The following SNTG2 variants were observed in gnomAD, a reference collection of about 807,000 sequenced individuals.
SNTG2 encodes the protein gamma-2-syntrophin.
In SNTG2, 74 loss-of-function variants were observed where a neutral mutation model predicts 70.9. The observed-to-expected ratio is 1.04, with a 90% CI of 0.86 to 1.27. The LOEUF (loss-of-function observed/expected upper bound fraction) is 1.27, where lower values mean the gene tolerates loss of function less well. Ranked by LOEUF, SNTG2 falls within the 50% of genes most tolerant of loss-of-function variation. The probability of loss-of-function intolerance (pLI) is 0.00; values close to 1 mark genes in which losing one functional copy is unlikely to be tolerated. For missense variants in SNTG2, 717 were observed against 690.7 expected (o/e 1.04, Z -0.43); for synonymous variants, 278 against 273.8 (o/e 1.02, Z -0.15).
intron 8 of SNTG2, among the ~76,000 whole-genome samples, chr2:1,182,122 C>T (rs972323852): frequency 6.6e-6 from 1 of 152,126 alleles, no homozygotes; most frequent in African/African-American, 2.4e-5. Context: ...AAATGCTTTT[C>T]CTCGCCTTGG....
intron 14 of SNTG2, among the ~76,000 whole-genome samples, chr2:1,278,391 C>T (rs1395102693): frequency 6.6e-6 from 1 of 151,948 alleles, no homozygotes; most frequent in Non-Finnish European, 1.5e-5. Flanking sequence ...CACCAGGTTG[C>T]TGTTTATGGA....
At chr2:1,089,678 T>A (rs1218891215) in intron 2 of SNTG2, among the ~76,000 whole-genome samples, 1 of 152,246 alleles carries the variant, frequency 6.6e-6, no homozygotes, top group Admixed American at 6.5e-5. Flanking sequence ...TGTACGAGGG[T>A]GTGTGCACAC....
intron 1 of SNTG2, among the ~76,000 whole-genome samples, chr2:969,891 C>T (rs891997177): frequency 5.9e-5 from 9 of 152,146 alleles, no homozygotes; most frequent in African/African-American, 2.2e-4. Context: ...TAGGAATTTC[C>T]AATACTGTGT....
intron 4 of SNTG2, among the ~76,000 whole-genome samples, chr2:1,114,589 G>T (rs1317128979): frequency 2.0e-5 from 3 of 148,980 alleles, no homozygotes; most frequent in Non-Finnish European, 4.4e-5. Context: ...AGTCCTTTGA[G>T]GAGGATCGTG....
chr2:1,255,519 A>C (rs536358378), intron 12 of SNTG2, among the ~76,000 whole-genome samples: 32 of 152,270 alleles, frequency 2.1e-4, no homozygotes, highest in Admixed American at 1.8e-3. Flanking sequence ...TTTGGGAGTC[A>C]TGATGGATAC....
At chr2:1,292,395 T>C (rs1200237698) in intron 14 of SNTG2, among the ~76,000 whole-genome samples, 1 of 152,198 alleles carries the variant, frequency 6.6e-6, no homozygotes. Context: ...GGAATATAAT[T>C]GGCAGCAGTA....
intron 1 of SNTG2, among the ~76,000 whole-genome samples, chr2:1,070,451 T>A (rs1450117220): frequency 6.6e-6 from 1 of 152,208 alleles, no homozygotes; most frequent in African/African-American, 2.4e-5. Flanking sequence ...AATGGAATAA[T>A]GCTCATGAGC....
chr2:1,359,955 CAAA>C (rs1193457464), intron 16 of SNTG2, among the ~76,000 whole-genome samples: 2 of 151,958 alleles, frequency 1.3e-5, no homozygotes, highest in Admixed American at 1.3e-4. Flanking sequence ...AACAAGCAAA[CAAA>C]GAAACTAAAG....
chr2:1,155,604 ACGT>A (rs1420772569), intron 6 of SNTG2, among the ~76,000 whole-genome samples: 1 of 152,192 alleles, frequency 6.6e-6, no homozygotes, highest in African/African-American at 2.4e-5. Flanking sequence ...AACAATCTGG[ACGT>A]CAGCCCTGGC....
intron 8 of SNTG2, among the ~76,000 whole-genome samples, chr2:1,176,791 T>C (rs1320764220): frequency 1.3e-5 from 2 of 152,132 alleles, no homozygotes; most frequent in African/African-American, 4.8e-5. Flanking sequence ...CACAATGAGA[T>C]ACCATCTCAG....
intron 14 of SNTG2, among the ~76,000 whole-genome samples, chr2:1,284,003 G>A (rs1165993624): frequency 6.6e-6 from 1 of 152,126 alleles, no homozygotes; most frequent in African/African-American, 2.4e-5. Flanking sequence ...GAAAGTCCCC[G>A]CAGTGAGCCG....
intron 8 of SNTG2, among the ~76,000 whole-genome samples, chr2:1,207,749 C>G (rs925221999): frequency 6.6e-6 from 1 of 152,156 alleles, no homozygotes; most frequent in East Asian, 1.9e-4. Flanking sequence ...AACCGCCCCC[C>G]GTCTCCTCTC....
chr2:1,332,635 G>A (rs1659593753), intron 16 of SNTG2, among the ~76,000 whole-genome samples: 1 of 152,128 alleles, frequency 6.6e-6, no homozygotes, highest in Admixed American at 6.5e-5. Context: ...TTCATACTGA[G>A]GATGCAGGGA....
At chr2:1,238,605 G>A (rs1003566363) in intron 10 of SNTG2, among the ~76,000 whole-genome samples, 2 of 152,242 alleles carry the variant, frequency 1.3e-5, no homozygotes, top group African/African-American at 4.8e-5. Flanking sequence ...AAGACTTGAT[G>A]ACACGGGCGT....
At chr2:1,082,991 G>C (rs1390100125) in intron 1 of SNTG2, among the ~76,000 whole-genome samples, 1 of 152,138 alleles carries the variant, frequency 6.6e-6, no homozygotes, top group Non-Finnish European at 1.5e-5. Flanking sequence ...CAGCTCCCAA[G>C]ACACAGCAGC....
In SNTG2 at chr2:1,164,838, G is replaced by A. The variant is rs189746905; in HGVS notation, c.412-710G>A. On this transcript the variant is annotated intron_variant, in intron 6 of 16. Coordinates refer to ENST00000308624, the MANE Select transcript of SNTG2 (RefSeq NM_018968.4). The stretch of plus-strand genomic sequence containing the variant: ...GGCGGGTGGGCTATACCTGGCCTCG[G>A]AGGAGGAGGATACAGCAGAGGAGGG... Among the ~76,000 whole-genome samples the A allele has an allele frequency of 8.8e-4, 134 of 152,330 alleles. No individual in the cohort carries two copies. In the Middle Eastern group the frequency reaches 0.01, roughly 12 times the overall value.
At chr2:1,127,042 G>A (rs1337663927) in intron 4 of SNTG2, among the ~76,000 whole-genome samples, 1 of 151,930 alleles carries the variant, frequency 6.6e-6, no homozygotes, top group African/African-American at 2.4e-5. Flanking sequence ...TCAGACCAGT[G>A]TCCAGAACCA....
chr2:1,245,970 C>T (rs868157030), intron 11 of SNTG2, among the ~76,000 whole-genome samples: 4 of 152,018 alleles, frequency 2.6e-5, no homozygotes, highest in South Asian at 2.1e-4. Context: ...GGGAGGGTCT[C>T]GGGGAAATAA....
At chr2:1,311,892 A>G (rs1681010140) in intron 15 of SNTG2, among the ~76,000 whole-genome samples, 1 of 152,192 alleles carries the variant, frequency 6.6e-6, no homozygotes, top group Non-Finnish European at 1.5e-5. Flanking sequence ...AGACCATGAC[A>G]TGGCAACAAT....
Sources: gnomAD v4.1 joint callset for allele counts (sites outside exome capture counted in the v4.1 genomes callset) on GRCh38, gnomAD v4.1.1 for gene constraint, MANE v1.5 for transcripts, NCBI Gene and HGNC (gene_info 2026-07-23, HGNC 2026-07-21) for gene names.